Variants in BNC2 observed in about 807,000 individuals in gnomAD.
The protein encoded by BNC2 is basonuclin zinc finger protein 2, also known as zinc finger protein basonuclin-2.
In BNC2, 20 loss-of-function variants were observed where a neutral mutation model predicts 76.3. The ratio of observed to expected loss-of-function variants is 0.26; its 90% CI spans 0.18 to 0.38. The LOEUF (loss-of-function observed/expected upper bound fraction) is 0.38. Ranked by LOEUF, BNC2 falls within the 10% of genes least tolerant of loss-of-function variation. The pLI is 1.00. For synonymous variants in BNC2, 582 were observed against 514.8 expected, an observed-to-expected ratio of 1.13 and a Z score of -1.77; for missense variants, 1,382 against 1,399.8, an observed-to-expected ratio of 0.99 and a Z score of 0.20.
At chr9:16,465,878 G>C (rs1268767449) in intron 5 of BNC2, among the ~76,000 whole-genome samples, 1 of 151,312 alleles carries the variant, frequency 6.6e-6, no homozygotes, top group Non-Finnish European at 1.5e-5. Context: ...TAGGAAAAGA[G>C]GAAGTCAAAT....
intron 5 of BNC2, among the ~76,000 whole-genome samples, chr9:16,485,018 A>G (rs541100121): frequency 1.7e-4 from 26 of 152,202 alleles, no homozygotes; most frequent in Admixed American, 3.9e-4. Flanking sequence ...CAAGAAGAGG[A>G]CTGCCGTGGT....
chr9:16,571,071 T>C (rs974057516), intron 4 of BNC2, among the ~76,000 whole-genome samples: 3 of 152,154 alleles, frequency 2.0e-5, no homozygotes, highest in Non-Finnish European at 4.4e-5. Context: ...AATTTTTCCT[T>C]GAGATATTTT....
intron 3 of BNC2, among the ~76,000 whole-genome samples, chr9:16,584,016 C>A (rs574355223): frequency 1.3e-5 from 2 of 152,142 alleles, no homozygotes; most frequent in African/African-American, 4.8e-5. Flanking sequence ...CCTAAGCTCC[C>A]GGACTACAGT....
intron 3 of BNC2, among the ~76,000 whole-genome samples, chr9:16,698,570 G>A (rs186299457): frequency 2.0e-5 from 3 of 152,212 alleles, no homozygotes; most frequent in East Asian, 1.9e-4. Flanking sequence ...GCGCATGCCT[G>A]TAATCCCAGA....
chr9:16,569,181 A>AAG (rs1819249191), intron 4 of BNC2, among the ~76,000 whole-genome samples: 1 of 152,032 alleles, frequency 6.6e-6, no homozygotes, highest in Admixed American at 6.6e-5. Flanking sequence ...AACCTCTACA[A>AAG]ATCCTCATTA....
intron 1 of BNC2, among the ~76,000 whole-genome samples, chr9:16,809,309 C>T (rs1324328230): frequency 6.6e-6 from 1 of 151,946 alleles, no homozygotes; most frequent in Non-Finnish European, 1.5e-5. Flanking sequence ...TATCACTCAA[C>T]ACATTAGGGC....
chr9:16,496,806 T>G (rs1210004008), intron 5 of BNC2, among the ~76,000 whole-genome samples: 4 of 152,198 alleles, frequency 2.6e-5, no homozygotes, highest in African/African-American at 9.7e-5. Context: ...TGAGAAAACC[T>G]TATTCAAATA....
intron 3 of BNC2, among the ~76,000 whole-genome samples, chr9:16,700,558 G>C (rs893746739): frequency 2.0e-5 from 3 of 152,186 alleles, no homozygotes; most frequent in African/African-American, 7.2e-5. Context: ...CAATCCTCCT[G>C]ACTCAGCCTC....
chr9:16,552,858 A>T, intron 4 of BNC2, 93 bp from the exon 5 acceptor site: 2 of 1,030,064 alleles, frequency 1.9e-6, no homozygotes, highest in Admixed American at 3.8e-5. Flanking sequence ...GGAAGTTACC[A>T]GGGCTCCATT....
intron 1 of BNC2, among the ~76,000 whole-genome samples, chr9:16,820,924 G>C (rs376200110): frequency 2.0e-5 from 3 of 152,048 alleles, no homozygotes; most frequent in African/African-American, 7.2e-5. Flanking sequence ...GATTCAAGTA[G>C]GCCAGGCGCA....
At chr9:16,834,055 C>T (rs180900234) in intron 1 of BNC2, among the ~76,000 whole-genome samples, 93 of 152,246 alleles carry the variant, frequency 6.1e-4, no homozygotes, top group East Asian at 1.7e-3. Context: ...GCTCAAACAA[C>T]CCTTCAGAGA....
intron 5 of BNC2, among the ~76,000 whole-genome samples, chr9:16,532,878 T>C (rs550002431): frequency 6.6e-6 from 1 of 152,336 alleles, no homozygotes; most frequent in South Asian, 2.1e-4. Context: ...AAATCAGCCA[T>C]CATGGGATAT....
rs370862324 is a variant in BNC2 at position 16,470,709 on chromosome 9, G to A, written c.670-33185C>T. The stretch of plus-strand genomic sequence containing the variant: ...GCAGCTTCTACATGGCGTTCTGTGC[G>A]CAGATGCACAGAAGTCAAGAATCGA... On this transcript the variant is annotated intron_variant, in intron 5 of 6. Coordinates refer to ENST00000380672, the MANE Select transcript of BNC2 (RefSeq NM_017637.6). Among the ~76,000 whole-genome samples the A allele has an allele frequency of 5.9e-5, 9 of 152,320 alleles. 1 individual carries two copies. Among genetic ancestry groups the A allele is most frequent in the South Asian group, 4.1e-4 (2 of 4,828 alleles).
At position 16,458,294 on chromosome 9, in the gene BNC2, C is replaced by T. The variant is rs376980855; in HGVS notation, c.670-20770G>A. ...ATCAAAAGTTATTTATTGGAAGATG[C>T]AACTAATCATTTCCCAAAAGAGGCT... is the stretch of plus-strand genomic sequence containing the variant. On this transcript the variant is annotated intron_variant, in intron 5 of 6. Coordinates refer to ENST00000380672, the MANE Select transcript of BNC2 (RefSeq NM_017637.6). Among the ~76,000 whole-genome samples, 3 of 152,258 alleles carry T rather than the reference C, an allele frequency of 2.0e-5. No homozygotes were observed. In the South Asian group the frequency reaches 6.2e-4, roughly 32 times the overall value.
chr9:16,842,313 G>A (rs918104275), intron 1 of BNC2, among the ~76,000 whole-genome samples: 2 of 152,114 alleles, frequency 1.3e-5, no homozygotes, highest in Non-Finnish European at 1.5e-5. Flanking sequence ...GATACTTTCT[G>A]TTTCTGTGAT....
At position 16,748,922 on chromosome 9, in the gene BNC2, C is replaced by CTATATA. The variant is rs34314862; in HGVS notation, c.4-10443_4-10438dup. Reference sequence around the variant, plus strand: ...TCTGTACTTTTTTTCACTTTTTATACTATATATATATATATATATATATAT... The same window carrying CTATATA: ...TCTGTACTTTTTTTCACTTTTTATACTATATATATATATATATATATATATATATAT... On this transcript the variant is annotated intron_variant, in intron 1 of 6. Coordinates refer to ENST00000380672, the MANE Select transcript of BNC2 (RefSeq NM_017637.6). Among the ~76,000 whole-genome samples, 803 of 130,498 alleles carry CTATATA rather than the reference C, an allele frequency of 6.2e-3. 11 individuals carry two copies. Among genetic ancestry groups the CTATATA allele is most frequent in the African/African-American group, 0.019 (626 of 32,344 alleles). 85.6% of individuals were successfully genotyped at this position (130,498 alleles called of 152,430 possible).
chr9:16,614,370 A>G (rs1820636378), intron 3 of BNC2, among the ~76,000 whole-genome samples: 1 of 152,154 alleles, frequency 6.6e-6, no homozygotes, highest in African/African-American at 2.4e-5. Flanking sequence ...TTAGCAATCA[A>G]CACATGTATG....
chr9:16,680,140 A>C (rs10738445), intron 3 of BNC2, among the ~76,000 whole-genome samples: 94,854 of 152,040 alleles, frequency 0.62, 33,052 homozygotes, highest in Non-Finnish European at 0.81. Flanking sequence ...GAAACATACA[A>C]CATTTTGGCA....
intron 5 of BNC2, among the ~76,000 whole-genome samples, chr9:16,462,208 A>G (rs886214143): frequency 1.3e-5 from 2 of 152,160 alleles, no homozygotes; most frequent in Non-Finnish European, 2.9e-5. Context: ...ACTCAAAACC[A>G]TCTCCATCCA....
Sources: allele counts gnomAD v4.1 joint callset (sites outside exome capture counted in the v4.1 genomes callset), GRCh38; gene constraint gnomAD v4.1.1; transcripts MANE v1.5; gene names NCBI Gene and HGNC (gene_info 2026-07-23, HGNC 2026-07-21).